Variants in PAWR observed in about 807,000 individuals in gnomAD.
The protein encoded by PAWR is PRKC apoptosis WT1 regulator protein.
PAWR carries 23 observed loss-of-function variants against 32.0 expected under a neutral mutation model. That is an observed-to-expected ratio of 0.72 (90% confidence interval 0.52 to 1.02). The LOEUF is 1.02. PAWR is among the 50% of genes least tolerant of loss of function. PAWR has a pLI of 0.00. For synonymous variants in PAWR, 226 were observed against 187.1 expected (o/e 1.21, Z -1.70); for missense variants, 457 against 437.7 (o/e 1.04, Z -0.39).
Position 79,588,390 on chromosome 12 carries a change from TAA to T in PAWR, c.*4215_*4216del, listed in dbSNP as rs964757740. ...CATTTCATCACTGCTATAAATTCCTTAAAAGTGTTCTTTTCCTAATTAACATT... is the reference window on the plus strand; with the variant it reads ...CATTTCATCACTGCTATAAATTCCTTAAGTGTTCTTTTCCTAATTAACATT... On this transcript the variant is annotated 3_prime_UTR_variant, in exon 7 of 7. Coordinates refer to ENST00000328827, the MANE Select transcript of PAWR (RefSeq NM_002583.4). 2 of 152,034 alleles carry T rather than the reference TAA, an allele frequency of 1.3e-5. No homozygotes were observed. Among genetic ancestry groups the T allele is most frequent in the Non-Finnish European group, 2.9e-5 (2 of 67,870 alleles). 9.4% of individuals were successfully genotyped at this position (152,034 alleles called of 1,614,324 possible). A position where few individuals can be genotyped will look rare whatever the true frequency, so the allele number is the denominator to read the frequency against.
intron 2 of PAWR, among the ~76,000 whole-genome samples, chr12:79,677,929 A>G (rs1486570230): frequency 6.6e-6 from 1 of 152,128 alleles, no homozygotes; most frequent in South Asian, 2.1e-4. Flanking sequence ...TTACACTAGA[A>G]TCAAACTCTA....
intron 2 of PAWR, among the ~76,000 whole-genome samples, chr12:79,683,594 A>C (rs967174578): frequency 1.3e-5 from 2 of 151,062 alleles, no homozygotes; most frequent in African/African-American, 4.9e-5. Flanking sequence ...AGTGGTAAGC[A>C]GTGGAAACTC....
At chr12:79,632,361 A>ATTTTTT (rs755937992) in intron 2 of PAWR, among the ~76,000 whole-genome samples, 7 of 20,598 alleles carry the variant, frequency 3.4e-4, no homozygotes, top group East Asian at 1.7e-3. Flanking sequence ...ATATATATAT[A>ATTTTTT]TTTTTTTTTT....
rs1878841268 is a variant in PAWR at position 79,689,251 on chromosome 12, T to C, written c.516+478A>G. The stretch of plus-strand genomic sequence containing the variant: ...AGCTCACTGTAAGATAAAGCTGTCT[T>C]GGATATTGCTAAGGCAACATTTTCT... On this transcript the variant is annotated intron_variant, in intron 2 of 6. Transcript: ENST00000328827. Among the ~76,000 whole-genome samples the C allele has an allele frequency of 2.0e-5, 3 of 152,214 alleles. No individual in the cohort carries two copies. In the South Asian group the frequency reaches 6.2e-4, roughly 31 times the overall value.
At chr12:79,669,708 C>T (rs923261130) in intron 2 of PAWR, among the ~76,000 whole-genome samples, 3 of 151,588 alleles carry the variant, frequency 2.0e-5, no homozygotes, top group African/African-American at 7.3e-5. Flanking sequence ...AATGAATAAA[C>T]AGTTATTCAT....
At chr12:79,652,161 G>A (rs965618944) in intron 2 of PAWR, among the ~76,000 whole-genome samples, 1 of 152,080 alleles carries the variant, frequency 6.6e-6, no homozygotes, top group African/African-American at 2.4e-5. Flanking sequence ...TTCTGGAGAT[G>A]GATAATGGTG....
intron 2 of PAWR, among the ~76,000 whole-genome samples, chr12:79,638,907 T>G (rs1157826136): frequency 2.6e-5 from 1 of 39,184 alleles, no homozygotes; most frequent in African/African-American, 2.0e-4. Context: ...TTTTTTTTTT[T>G]TTTTTTTTTT....
chr12:79,670,204 T>C (rs768405799), intron 2 of PAWR, among the ~76,000 whole-genome samples: 9 of 152,158 alleles, frequency 5.9e-5, no homozygotes, highest in African/African-American at 9.7e-5. Context: ...GTTTTAACAA[T>C]GACAAAAAGT....
intron 2 of PAWR, among the ~76,000 whole-genome samples, chr12:79,622,941 G>A (rs189827627): frequency 1.8e-3 from 268 of 152,226 alleles, no homozygotes; most frequent in African/African-American, 5.7e-3. Flanking sequence ...GGCATAGAGG[G>A]AACATAAATA....
At position 79,690,085 on chromosome 12, in the gene PAWR, G is replaced by C. The variant is rs1274030797; in HGVS notation, c.160C>G (p.Pro54Ala). Residue 54 changes from proline (P) to alanine (A), a missense_variant, in exon 2 of 7, where the codon CCC becomes GCC. By Grantham distance (27) the Pro-to-Ala change is conservative. Coordinates refer to ENST00000328827, the MANE Select transcript of PAWR (RefSeq NM_002583.4). Reference sequence around the variant, plus strand: ...GCCGGGGTGCCCAGAGCCCCCGCGGGGGGCTTCCCAGCGGCGTCGCTGCTG... The same window carrying C: ...GCCGGGGTGCCCAGAGCCCCCGCGGCGGGCTTCCCAGCGGCGTCGCTGCTG... ...GGSSDAAGKPPAGALGTPAAA... is the reference protein window; with the variant it reads ...GGSSDAAGKPAAGALGTPAAA... The C allele has an allele frequency of 2.1e-6, 3 of 1,436,198 alleles. No homozygotes were observed. The highest frequency in any genetic ancestry group is 3.0e-5 in the East Asian group (1 of 33,134). 89.0% of individuals were successfully genotyped at this position (1,436,198 alleles called of 1,614,324 possible).
intron 4 of PAWR, among the ~76,000 whole-genome samples, chr12:79,600,351 T>C (rs1438553958): frequency 2.6e-5 from 4 of 151,972 alleles, no homozygotes; most frequent in Non-Finnish European, 5.9e-5. Context: ...TTGTAAAACA[T>C]AAAATTCTAA....
At chr12:79,679,419 G>A (rs1281108491) in intron 2 of PAWR, among the ~76,000 whole-genome samples, 1 of 152,134 alleles carries the variant, frequency 6.6e-6, no homozygotes, top group East Asian at 1.9e-4. Flanking sequence ...AAAGGTCACA[G>A]GCAACCTTAG....
At chr12:79,664,658 C>CT (rs1555177480) in intron 2 of PAWR, among the ~76,000 whole-genome samples, 2 of 128,238 alleles carry the variant, frequency 1.6e-5, no homozygotes, top group Admixed American at 7.4e-5. Flanking sequence ...GACTCTTTGG[C>CT]GGGGGGGGGA....
At chr12:79,626,844 G>T (rs1338753885) in intron 2 of PAWR, among the ~76,000 whole-genome samples, 1 of 151,870 alleles carries the variant, frequency 6.6e-6, no homozygotes, top group Non-Finnish European at 1.5e-5. Flanking sequence ...GCGGTGTTTG[G>T]TTTTCTGTCC....
Position 79,592,421 on chromosome 12 carries a change from GATA to G in PAWR, c.*183_*185del. On this transcript the variant is annotated 3_prime_UTR_variant, in exon 7 of 7. Transcript: ENST00000328827. ...ATATTACTTATTTGTGAGATAAAAG[GATA>G]ATGCTTTTTTAAAACCAATAATGAA... The G allele has an allele frequency of 4.1e-6, 2 of 490,188 alleles. No homozygotes were observed. Among genetic ancestry groups the G allele is most frequent in the Non-Finnish European group, 7.1e-6 (2 of 283,316 alleles). 30.4% of individuals were successfully genotyped at this position (490,188 alleles called of 1,614,324 possible).
At chr12:79,627,952 C>A (rs533923029) in intron 2 of PAWR, among the ~76,000 whole-genome samples, 1 of 152,080 alleles carries the variant, frequency 6.6e-6, no homozygotes, top group East Asian at 1.9e-4. Flanking sequence ...CTGCACCAAG[C>A]GGACCTAATA....
rs2307223 is a variant in PAWR, at chr12:79,621,127, A to C, written c.597T>G (p.Ile199Met). 0.066 allele frequency: 106,452 copies of C among 1,608,512 alleles called. 22,372 individuals carry two copies. In the African/African-American group the frequency reaches 0.72, roughly 11 times the overall value. Residue 199 changes from isoleucine to methionine, a missense_variant, in exon 3 of 7, where the codon ATT (isoleucine) becomes ATG (methionine). Ile to Met is a conservative substitution (Grantham distance 10). Transcript: ENST00000328827. The stretch of plus-strand genomic sequence containing the variant: ...CTAGTAAGTTTACAGCTTCATTCTG[A>C]ATAGTGTTCTGTTGTGTAATTGCAT... ...REDAITQQNT[I>M]QNEAVNLLDP...
chr12:79,630,572 G>C (rs1353924294), intron 2 of PAWR, among the ~76,000 whole-genome samples: 1 of 152,088 alleles, frequency 6.6e-6, no homozygotes, highest in Non-Finnish European at 1.5e-5. Flanking sequence ...CAAAGGGCTG[G>C]GATTACAGGT....
chr12:79,638,777 T>C (rs1348213112), intron 2 of PAWR, among the ~76,000 whole-genome samples: 1 of 132,512 alleles, frequency 7.5e-6, no homozygotes, highest in Admixed American at 8.2e-5. Context: ...CCAAATGCTA[T>C]CATTATATTT....
Sources: allele counts gnomAD v4.1 joint callset (sites outside exome capture counted in the v4.1 genomes callset), GRCh38; gene constraint gnomAD v4.1.1; transcripts MANE v1.5; gene names NCBI Gene and HGNC (gene_info 2026-07-23, HGNC 2026-07-21).